The following SGK1 variants were observed in gnomAD, a reference collection of about 807,000 sequenced individuals.
SGK1 encodes the protein serum/glucocorticoid regulated kinase 1, also known as serine/threonine-protein kinase Sgk1.
A neutral mutation model predicts 64.2 loss-of-function variants in SGK1; 26 were observed. That is an observed-to-expected ratio of 0.40 (90% CI 0.30 to 0.56). The LOEUF (loss-of-function observed/expected upper bound fraction) is 0.56, where lower values mean the gene tolerates loss of function less well. SGK1 is among the 20% of genes least tolerant of loss of function. The pLI, the probability that SGK1 is intolerant of heterozygous loss-of-function variation, is 0.38. For missense variants in SGK1, 519 were observed against 645.6 expected (o/e 0.80, Z 2.12); for synonymous variants, 265 against 239.7 (o/e 1.11, Z -0.98).
intron 2 of SGK1, among the ~76,000 whole-genome samples, chr6:134,243,191 TA>T (rs1039523185): frequency 2.0e-5 from 3 of 152,066 alleles, no homozygotes; most frequent in Non-Finnish European, 4.4e-5. Context: ...AATAAGAAAA[TA>T]AAAAATATAT....
intron 3 of SGK1, among the ~76,000 whole-genome samples, chr6:134,178,564 A>G (rs550380353): frequency 1.3e-5 from 2 of 152,316 alleles, no homozygotes; most frequent in African/African-American, 4.8e-5. Context: ...TAGTCCTCCT[A>G]CTGGGAGGAA....
intron 2 of SGK1, among the ~76,000 whole-genome samples, chr6:134,215,952 G>C (rs1333435356): frequency 6.6e-6 from 1 of 152,174 alleles, no homozygotes; most frequent in East Asian, 1.9e-4. Flanking sequence ...GGAGGCGGAG[G>C]TTGCAGTGAG....
intron 2 of SGK1, among the ~76,000 whole-genome samples, chr6:134,255,574 A>AT (rs11318242): frequency 0.1 from 8,134 of 78,846 alleles, 469 homozygotes; most frequent in Admixed American, 0.14. Flanking sequence ...AGAGATTTTG[A>AT]TTTTTTTTTT....
In SGK1 at chr6:134,175,885, A is replaced by C. The variant is rs1039409861; in HGVS notation, c.362-1299T>G. The C allele has an allele frequency of 3.3e-6, 4 of 1,220,862 alleles. No individual in the cohort carries two copies. The African/African-American group carries it at 6.3e-5, about 19-fold the overall frequency. 75.6% of individuals were successfully genotyped at this position (1,220,862 alleles called of 1,614,324 possible). On this transcript the variant is annotated intron_variant, in intron 3 of 13. Coordinates refer to ENST00000367858, the MANE Select transcript of SGK1 (RefSeq NM_001143676.3). ...AAATCCCAGAACTTGGAAGAGGAGG[A>C]AGGAAGGAAAGAAAGAGGGAAAAGG... is the stretch of plus-strand genomic sequence containing the variant.
intron 1 of SGK1, among the ~76,000 whole-genome samples, chr6:134,270,473 C>T (rs893864803): frequency 6.1e-5 from 9 of 148,062 alleles, no homozygotes; most frequent in African/African-American, 2.2e-4. Context: ...TAGATCTCAA[C>T]AAGTTTTGCT....
chr6:134,288,686 G>A (rs1361823629), intron 1 of SGK1, among the ~76,000 whole-genome samples: 3 of 146,458 alleles, frequency 2.0e-5, no homozygotes, highest in Non-Finnish European at 4.5e-5. Flanking sequence ...TAAAATTACA[G>A]AGGCGGTATT....
intron 1 of SGK1, among the ~76,000 whole-genome samples, chr6:134,298,993 G>T (rs1777405409): frequency 6.6e-6 from 1 of 151,678 alleles, no homozygotes; most frequent in South Asian, 2.1e-4. Context: ...TAGAGCAGGG[G>T]TTTCACCATG....
At chr6:134,203,414 A>G (rs1488993319) in intron 3 of SGK1, among the ~76,000 whole-genome samples, 2 of 152,228 alleles carry the variant, frequency 1.3e-5, no homozygotes, top group African/African-American at 4.8e-5. Context: ...AACAAAGAAG[A>G]GAAGGGACAT....
chr6:134,174,764 GAGTA>G, intron 3 of SGK1, 178 bp from the exon 4 acceptor site: 1 of 1,614,200 alleles, frequency 6.2e-7, no homozygotes. Flanking sequence ...CCTCATCCTG[GAGTA>G]AGTGAGGGTG....
At chr6:134,260,784 G>T (rs1375108440) in intron 2 of SGK1, 1 of 140,004 alleles carries the variant, frequency 7.1e-6, no homozygotes, top group Non-Finnish European at 1.6e-5. Flanking sequence ...TCTTTTAGCA[G>T]CTAAATGATT....
intron 1 of SGK1, among the ~76,000 whole-genome samples, chr6:134,313,868 G>A (rs1483848900): frequency 1.3e-5 from 2 of 152,244 alleles, no homozygotes; most frequent in Admixed American, 6.5e-5. Flanking sequence ...AAGAATCTGA[G>A]CCACAAACAG....
chr6:134,303,146 C>G (rs1302123198), intron 1 of SGK1, among the ~76,000 whole-genome samples: 1 of 152,086 alleles, frequency 6.6e-6, no homozygotes, highest in Non-Finnish European at 1.5e-5. Flanking sequence ...ATAATCCCAG[C>G]ACTTTGGGAG....
intron 3 of SGK1, among the ~76,000 whole-genome samples, chr6:134,190,435 AC>A (rs1478784602): frequency 1.3e-5 from 2 of 151,904 alleles, no homozygotes; most frequent in Non-Finnish European, 2.9e-5. Context: ...ACAGGTGCAC[AC>A]CACCAGGCAT....
intron 2 of SGK1, among the ~76,000 whole-genome samples, chr6:134,221,582 T>A (rs918924670): frequency 3.3e-5 from 5 of 152,292 alleles, no homozygotes; most frequent in East Asian, 1.9e-4. Context: ...TAATAAGTAA[T>A]TTTCTAATTT....
At chr6:134,231,297 C>A (rs1003906591) in intron 2 of SGK1, among the ~76,000 whole-genome samples, 1 of 152,306 alleles carries the variant, frequency 6.6e-6, no homozygotes, top group African/African-American at 2.4e-5. Flanking sequence ...GTGGAAAATG[C>A]TTTGTCCACA....
intron 1 of SGK1, among the ~76,000 whole-genome samples, chr6:134,262,732 A>C (rs1776786498): frequency 6.6e-6 from 1 of 151,872 alleles, no homozygotes. Context: ...ACAAACCCTC[A>C]AAACCCAAAA....
At chr6:134,195,801 T>C (rs1421464869) in intron 3 of SGK1, among the ~76,000 whole-genome samples, 2 of 152,196 alleles carry the variant, frequency 1.3e-5, no homozygotes, top group Non-Finnish European at 2.9e-5. Flanking sequence ...GTTTTGTGTC[T>C]GGGGCTCCAG....
chr6:134,213,874 T>C (rs1401092485), intron 2 of SGK1, among the ~76,000 whole-genome samples: 1 of 151,890 alleles, frequency 6.6e-6, no homozygotes, highest in Non-Finnish European at 1.5e-5. Flanking sequence ...AACAGCAAAA[T>C]AACAGTATGC....
chr6:134,227,334 C>T (rs1776200408), intron 2 of SGK1, among the ~76,000 whole-genome samples: 1 of 152,082 alleles, frequency 6.6e-6, no homozygotes, highest in Non-Finnish European at 1.5e-5. Flanking sequence ...AGGGTTTCAC[C>T]ATCTTGGCCA....
Sources: gnomAD v4.1 joint callset for allele counts (sites outside exome capture counted in the v4.1 genomes callset) on GRCh38, gnomAD v4.1.1 for gene constraint, MANE v1.5 for transcripts, NCBI Gene and HGNC (gene_info 2026-07-23, HGNC 2026-07-21) for gene names.